ME3: variants seen among roughly 807,000 people sequenced by gnomAD.
The protein encoded by ME3 is malic enzyme 3, also known as NADP-dependent malic enzyme, mitochondrial.
In ME3, 48 loss-of-function variants were observed where a neutral mutation model predicts 68.9. The observed-to-expected ratio is 0.70, with a 90% CI of 0.55 to 0.89. The LOEUF is 0.89. Among genes scored for constraint, ME3 ranks in the 40% least tolerant of loss-of-function variants. The probability of loss-of-function intolerance (pLI) is 0.00; values close to 1 mark genes in which losing one functional copy is unlikely to be tolerated. For synonymous variants in ME3, 320 were observed against 318.8 expected, an observed-to-expected ratio of 1.00 and a Z score of -0.04; for missense variants, 675 against 797.4, an observed-to-expected ratio of 0.85 and a Z score of 1.85.
chr11:86,587,148 G>A (rs374696662), intron 2 of ME3, among the ~76,000 whole-genome samples: 2 of 152,208 alleles, frequency 1.3e-5, no homozygotes, highest in Non-Finnish European at 2.9e-5. Context: ...CTGCTGATGG[G>A]CAGAGGAGGA....
At chr11:86,610,756 TA>T (rs1236377285) in intron 2 of ME3, among the ~76,000 whole-genome samples, 1 of 152,146 alleles carries the variant, frequency 6.6e-6, no homozygotes, top group African/African-American at 2.4e-5. Context: ...GCATGAACAA[TA>T]ACTGACAGAG....
Position 86,559,718 on chromosome 11 carries a change from AAT to A in ME3, c.287_288del (p.Tyr96LeufsTer7). 4 of 1,613,946 alleles carry A rather than the reference AAT, an allele frequency of 2.5e-6. No individual in the cohort carries two copies. Among genetic ancestry groups the A allele is most frequent in the Non-Finnish European group, 3.4e-6 (4 of 1,179,864 alleles). ...TCCAGGTCACTCTGCTGCCGCTCGTAATATCTCATGATTCGGAGGAGCTGGAC... is the reference window on the plus strand; with the variant it reads ...TCCAGGTCACTCTGCTGCCGCTCGTAATCTCATGATTCGGAGGAGCTGGAC... On this transcript the variant is annotated frameshift_variant, in exon 3 of 15. Transcript: ENST00000543262. LOFTEE classifies it high-confidence loss of function.
Position 86,446,505 on chromosome 11 carries a change from A to C in ME3, c.1381-18T>G. ...CCTCGGCCCTGGAGGCAGGAAGAAAACCAGAGATGAACTTGGAGATTGGTT... is the reference window on the plus strand; with the variant it reads ...CCTCGGCCCTGGAGGCAGGAAGAAACCCAGAGATGAACTTGGAGATTGGTT... On this transcript the variant is annotated intron_variant, in intron 12 of 14. Coordinates refer to ENST00000543262, the Ensembl canonical transcript of ME3. 6.2e-7 allele frequency: 1 copy of C among 1,613,488 alleles called. No individual in the cohort carries two copies. The highest frequency in any genetic ancestry group is 1.3e-5 in the African/African-American group (1 of 75,044).
At chr11:86,604,050 G>C (rs1223864185) in intron 2 of ME3, among the ~76,000 whole-genome samples, 1 of 151,206 alleles carries the variant, frequency 6.6e-6, no homozygotes, top group Non-Finnish European at 1.5e-5. Flanking sequence ...ACATATGTAA[G>C]TAACTGGCAC....
intron 5 of ME3, among the ~76,000 whole-genome samples, chr11:86,501,732 GTCT>G (rs1369404305): frequency 6.6e-6 from 1 of 152,186 alleles, no homozygotes; most frequent in African/African-American, 2.4e-5. Flanking sequence ...AAAACGTCCA[GTCT>G]TCTTTGATTC....
chr11:86,598,231 G>A (rs1007101474), intron 2 of ME3, among the ~76,000 whole-genome samples: 3 of 152,162 alleles, frequency 2.0e-5, no homozygotes, highest in Non-Finnish European at 2.9e-5. Flanking sequence ...CTGGAAAATC[G>A]GGCCATTCGC....
At position 86,487,333 on chromosome 11, in the gene ME3, T is replaced by G; in HGVS notation, c.809+4A>C. The G allele has an allele frequency of 6.2e-7, 1 of 1,611,368 alleles. No individual in the cohort carries two copies. The highest frequency in any genetic ancestry group is 8.5e-7 in the Non-Finnish European group (1 of 1,177,454). ...TTTCAAAAGGGACAGACTGGTCCAC[T>G]TACTTGTCTGTCACAGCCTGCATGA... On this transcript the variant is annotated splice_donor_region_variant and intron_variant, in intron 7 of 14. Transcript: ENST00000543262.
intron 2 of ME3, among the ~76,000 whole-genome samples, chr11:86,595,731 G>C (rs1440424676): frequency 2.0e-5 from 3 of 152,172 alleles, no homozygotes; most frequent in Admixed American, 6.5e-5. Context: ...CTCTACTTAA[G>C]GGGAAATGCT....
intron 4 of ME3, among the ~76,000 whole-genome samples, chr11:86,523,631 TCTCCATCTG>T (rs2139204094): frequency 6.6e-6 from 1 of 152,290 alleles, no homozygotes; most frequent in African/African-American, 2.4e-5. Context: ...TGAAAGAGTT[TCTCCATCTG>T]TTCTTCTTGA....
chr11:86,512,414 A>G (rs1452049990), intron 4 of ME3, among the ~76,000 whole-genome samples: 2 of 152,212 alleles, frequency 1.3e-5, no homozygotes, highest in East Asian at 3.8e-4. Context: ...GTGTGCATCT[A>G]TTTTTGTTGT....
intron 5 of ME3, among the ~76,000 whole-genome samples, chr11:86,507,819 C>CA (rs1245485612): frequency 9.2e-5 from 14 of 151,982 alleles, no homozygotes; most frequent in East Asian, 1.9e-4. Flanking sequence ...CCTATCTCTG[C>CA]AAAAAAATAC....
intron 2 of ME3, among the ~76,000 whole-genome samples, chr11:86,664,192 A>C (rs1946453837): frequency 6.6e-6 from 1 of 152,228 alleles, no homozygotes; most frequent in Non-Finnish European, 1.5e-5. Flanking sequence ...TTGAAAAGAA[A>C]ATGGAACATT....
intron 4 of ME3, 92 bp downstream of exon 4, chr11:86,556,461 C>A: frequency 6.9e-7 from 1 of 1,440,676 alleles, no homozygotes; most frequent in South Asian, 1.4e-5. Flanking sequence ...CAGAGTTAGC[C>A]TCCAGAGTCC....
At chr11:86,648,314 A>C (rs1057372283) in intron 2 of ME3, among the ~76,000 whole-genome samples, 2 of 152,252 alleles carry the variant, frequency 1.3e-5, no homozygotes, top group Admixed American at 1.3e-4. Flanking sequence ...TCTGTGGGAC[A>C]CAGCTAAAGC....
chr11:86,605,293 C>T (rs1961458951), intron 2 of ME3, among the ~76,000 whole-genome samples: 1 of 152,168 alleles, frequency 6.6e-6, no homozygotes, highest in Non-Finnish European at 1.5e-5. Context: ...ATATGATTTC[C>T]AACCTATGCC....
At chr11:86,457,598 TGGGGTGC>T in intron 8 of ME3, 1 of 1,194,428 alleles carries the variant, frequency 8.4e-7, no homozygotes. Flanking sequence ...CCTGCATTTT[TGGGGTGC>T]TCTTGGGCTA....
At chr11:86,508,687 G>T in intron 5 of ME3, 105 bp downstream of exon 5, 1 of 1,024,996 alleles carries the variant, frequency 9.8e-7, no homozygotes, top group Non-Finnish European at 1.5e-6. Context: ...GTAGTATGCT[G>T]CCTTCAGTGT....
At chr11:86,522,456 AC>A (rs948761757) in intron 4 of ME3, among the ~76,000 whole-genome samples, 1 of 151,608 alleles carries the variant, frequency 6.6e-6, no homozygotes, top group African/African-American at 2.4e-5. Flanking sequence ...GCACCTGTCA[AC>A]CTGTCATCTA....
rs115342716 is a variant in ME3 at position 86,639,903 on chromosome 11, G to A, written c.183+31859C>T. 4.8e-3 allele frequency among the ~76,000 whole-genome samples: 730 copies of A among 152,304 alleles called. 4 individuals carry two copies. The highest frequency in any genetic ancestry group is 0.016 in the African/African-American group (679 of 41,554). On this transcript the variant is annotated intron_variant, in intron 2 of 14. Coordinates refer to ENST00000543262, the Ensembl canonical transcript of ME3. Reference sequence around the variant, plus strand: ...GTTTCGCATGAGTGGGTGATTGGGGGCAGGATGTATGAGACAATTGAGTGA... The same window carrying A: ...GTTTCGCATGAGTGGGTGATTGGGGACAGGATGTATGAGACAATTGAGTGA...
Sources: allele counts gnomAD v4.1 joint callset (sites outside exome capture counted in the v4.1 genomes callset), GRCh38; gene constraint gnomAD v4.1.1; transcripts MANE v1.5; gene names NCBI Gene and HGNC (gene_info 2026-07-23, HGNC 2026-07-21).